Variants in KCNK1 observed in about 807,000 individuals in gnomAD.
KCNK1 encodes the protein potassium channel subfamily K member 1.
A neutral mutation model predicts 22.2 loss-of-function variants in KCNK1; 10 were observed. The observed-to-expected ratio is 0.45, with a 90% CI of 0.28 to 0.76. The LOEUF is 0.76. Ranked by LOEUF, KCNK1 falls within the 30% of genes least tolerant of loss-of-function variation. KCNK1 has a pLI of 0.14. For synonymous variants in KCNK1, 200 were observed against 186.4 expected (o/e 1.07, Z -0.60); for missense variants, 378 against 421.0 (o/e 0.90, Z 0.89).
intron 1 of KCNK1, among the ~76,000 whole-genome samples, chr1:233,624,643 C>T (rs1471621892): frequency 6.6e-6 from 1 of 152,166 alleles, no homozygotes; most frequent in Non-Finnish European, 1.5e-5. Flanking sequence ...GATGTTACTT[C>T]TATTCAAGAG....
Position 233,671,583 on chromosome 1 carries a change from AG to A in KCNK1, c.*55del. 2 of 1,581,336 alleles carry A rather than the reference AG, an allele frequency of 1.3e-6. No individual in the cohort carries two copies. The highest frequency in any genetic ancestry group is 2.3e-5 in the South Asian group (2 of 88,046). On this transcript the variant is annotated 3_prime_UTR_variant, in exon 3 of 3. Coordinates refer to ENST00000366621, the MANE Select transcript of KCNK1 (RefSeq NM_002245.4). Reference sequence around the variant, plus strand: ...GCACCAGGGTCAGGGTGCAAGGAAGAGGCTTAAGTATGTTCATTTTTATCAG... The same window carrying A: ...GCACCAGGGTCAGGGTGCAAGGAAGAGCTTAAGTATGTTCATTTTTATCAG...
intron 1 of KCNK1, among the ~76,000 whole-genome samples, chr1:233,642,250 T>G (rs967117921): frequency 1.3e-5 from 2 of 152,180 alleles, no homozygotes; most frequent in Non-Finnish European, 1.5e-5. Context: ...GTGTTGTTTG[T>G]GTTAAAGGCA....
chr1:233,656,614 C>A (rs1172378844), intron 1 of KCNK1, among the ~76,000 whole-genome samples: 1 of 152,010 alleles, frequency 6.6e-6, no homozygotes, highest in African/African-American at 2.4e-5. Context: ...TTATTTATTT[C>A]TTTATTATTT....
intron 1 of KCNK1, among the ~76,000 whole-genome samples, chr1:233,641,939 G>A (rs1443426545): frequency 6.6e-6 from 1 of 152,184 alleles, no homozygotes; most frequent in Non-Finnish European, 1.5e-5. Context: ...ATAAAAATTA[G>A]TGAATAAAAT....
chr1:233,665,903 A>AGT (rs1558120347), intron 1 of KCNK1, among the ~76,000 whole-genome samples: 1 of 152,218 alleles, frequency 6.6e-6, no homozygotes. Flanking sequence ...ACGTTGGCAA[A>AGT]GTGCCCTATG....
Position 233,666,913 on chromosome 1 carries a change from C to T in KCNK1, c.674C>T (p.Thr225Ile). Residue 225 changes from threonine to isoleucine, a missense_variant, in exon 2 of 3, where the codon ACC (threonine) becomes ATC (isoleucine). Thr to Ile is a moderately conservative substitution (Grantham distance 89). Transcript: ENST00000366621. ...SFYFCFISLS[T>I]IGLGDYVPGE... ...TATTTTTGTTTTATTTCCCTGAGCA[C>T]CATTGGCCTGGGGGATTATGTGCCT... 6.2e-7 allele frequency: 1 copy of T among 1,614,016 alleles called. No homozygotes were observed. Among genetic ancestry groups the T allele is most frequent in the Non-Finnish European group, 8.5e-7 (1 of 1,179,888 alleles).
intron 1 of KCNK1, among the ~76,000 whole-genome samples, chr1:233,642,853 CT>C (rs1658022957): frequency 6.6e-6 from 1 of 151,858 alleles, no homozygotes; most frequent in Non-Finnish European, 1.5e-5. Context: ...ACTGCAACCA[CT>C]GCCTCCTGGG....
intron 1 of KCNK1, among the ~76,000 whole-genome samples, chr1:233,642,453 T>C (rs1658015428): frequency 6.6e-6 from 1 of 152,256 alleles, no homozygotes; most frequent in East Asian, 1.9e-4. Flanking sequence ...CCTGAGGGGC[T>C]TGAAGACAGG....
chr1:233,655,371 G>C (rs1245406232), intron 1 of KCNK1, among the ~76,000 whole-genome samples: 1 of 152,132 alleles, frequency 6.6e-6, no homozygotes, highest in Non-Finnish European at 1.5e-5. Flanking sequence ...ACCCATATAT[G>C]ATGTAGGTGC....
In KCNK1 at chr1:233,614,353, G is replaced by A; in HGVS notation, c.182G>A (p.Arg61Gln). ...CGCCAGGAGCTGCGCAAGCTGAAGC[G>A]ACGCTTCTTGGAGGAGCACGAGTGC... is the stretch of plus-strand genomic sequence containing the variant. The part of the protein sequence containing the change: ...LLRQELRKLK[R>Q]RFLEEHECLS... Residue 61 changes from arginine to glutamine, a missense_variant, in exon 1 of 3, where the codon CGA (arginine) becomes CAA (glutamine). By Grantham distance (43) the Arg-to-Gln change is conservative (BLOSUM62 1). Transcript: ENST00000366621. The A allele has an allele frequency of 1.2e-6, 2 of 1,611,454 alleles. No individual in the cohort carries two copies. Among genetic ancestry groups the A allele is most frequent in the Non-Finnish European group, 8.5e-7 (1 of 1,178,912 alleles).
intron 1 of KCNK1, among the ~76,000 whole-genome samples, chr1:233,642,395 C>G (rs1449215429): frequency 6.6e-6 from 1 of 152,182 alleles, no homozygotes; most frequent in Non-Finnish European, 1.5e-5. Context: ...TTCCTCTGCT[C>G]CATGGTAGGG....
intron 1 of KCNK1, among the ~76,000 whole-genome samples, chr1:233,644,361 A>G (rs931873586): frequency 2.6e-5 from 4 of 152,238 alleles, no homozygotes; most frequent in African/African-American, 9.6e-5. Flanking sequence ...CATATATTCA[A>G]CAAATATTCG....
At position 233,662,258 on chromosome 1, in the gene KCNK1, TTC is replaced by T. The variant is rs1658408568; in HGVS notation, c.356-4335_356-4334del. ...CTTCTCCTTCTTCTTCTTCTTCTTC[TTC>T]TTCTTCTTCTTCTCCTCCTCCTCCT... On this transcript the variant is annotated intron_variant, in intron 1 of 2. Transcript: ENST00000366621. Among the ~76,000 whole-genome samples the T allele has an allele frequency of 9.5e-5, 13 of 136,522 alleles. No individual in the cohort carries two copies. In the South Asian group the frequency reaches 3.5e-3, roughly 36 times the overall value. 89.6% of individuals were successfully genotyped at this position (136,522 alleles called of 152,430 possible). A position where few individuals can be genotyped will look rare whatever the true frequency, so the allele number is the denominator to read the frequency against.
chr1:233,622,198 A>G (rs914248648), intron 1 of KCNK1, among the ~76,000 whole-genome samples: 10 of 152,188 alleles, frequency 6.6e-5, no homozygotes, highest in African/African-American at 2.4e-4. Context: ...CCGACACTCA[A>G]TTGTTTTGAC....
intron 1 of KCNK1, among the ~76,000 whole-genome samples, chr1:233,621,245 C>T (rs576826248): frequency 6.6e-6 from 1 of 152,294 alleles, no homozygotes; most frequent in South Asian, 2.1e-4. Context: ...TGGCCATCTG[C>T]AAGCCAAGAG....
At chr1:233,614,627 C>G (rs1378241929) in intron 1 of KCNK1, 101 bp downstream of exon 1, 1 of 880,214 alleles carries the variant, frequency 1.1e-6, no homozygotes, top group East Asian at 2.8e-5. Context: ...TCCCACCCCA[C>G]CCCCCACCTT....
chr1:233,639,733 C>T (rs4649343), intron 1 of KCNK1, among the ~76,000 whole-genome samples: 62,993 of 152,086 alleles, frequency 0.41, 13,581 homozygotes, highest in Admixed American at 0.56. Flanking sequence ...TTGGTCATCT[C>T]GTGAACGTGG....
intron 1 of KCNK1, among the ~76,000 whole-genome samples, chr1:233,633,076 A>G (rs916078334): frequency 1.1e-4 from 16 of 151,804 alleles, no homozygotes; most frequent in African/African-American, 3.1e-4. Flanking sequence ...TGCCATTTCA[A>G]TGATAACTGT....
At chr1:233,667,449 G>C (rs962410131) in intron 2 of KCNK1, among the ~76,000 whole-genome samples, 2 of 152,106 alleles carry the variant, frequency 1.3e-5, no homozygotes, top group African/African-American at 4.8e-5. Flanking sequence ...ACATCATACA[G>C]GCCGGGCGCG....
Sources: allele counts gnomAD v4.1 joint callset (sites outside exome capture counted in the v4.1 genomes callset), GRCh38; gene constraint gnomAD v4.1.1; transcripts MANE v1.5; gene names NCBI Gene and HGNC (gene_info 2026-07-23, HGNC 2026-07-21).